The following SLC22A24 variants were observed in gnomAD, a reference collection of about 807,000 sequenced individuals.
SLC22A24 encodes the protein steroid transmembrane transporter SLC22A24.
A neutral mutation model predicts 49.8 loss-of-function variants in SLC22A24; 53 were observed. The ratio of observed to expected loss-of-function variants is 1.06; its 90% CI spans 0.85 to 1.34. The LOEUF (loss-of-function observed/expected upper bound fraction) is 1.34, where lower values mean the gene tolerates loss of function less well. Among genes scored for constraint, SLC22A24 ranks in the 40% most tolerant of loss-of-function variants. The probability of loss-of-function intolerance (pLI) is 0.00; values close to 1 mark genes in which losing one functional copy is unlikely to be tolerated. For missense variants in SLC22A24, 786 were observed against 675.9 expected, an observed-to-expected ratio of 1.16 and a Z score of -1.81; for synonymous variants, 302 against 256.4, an observed-to-expected ratio of 1.18 and a Z score of -1.70.
chr11:63,109,764 T>G (rs1333808733), intron 4 of SLC22A24, among the ~76,000 whole-genome samples: 1 of 152,108 alleles, frequency 6.6e-6, no homozygotes, highest in Non-Finnish European at 1.5e-5. Flanking sequence ...GTCAGATGAG[T>G]AGGTGGCAAA....
chr11:63,143,349 A>G, intron 1 of SLC22A24, 29 bp downstream of exon 1: 3 of 1,436,004 alleles, frequency 2.1e-6, no homozygotes, highest in Non-Finnish European at 2.7e-6. Flanking sequence ...TTAATCATAT[A>G]AACAGAAGAT....
At chr11:63,107,758 G>A (rs1404826991) in intron 4 of SLC22A24, among the ~76,000 whole-genome samples, 2 of 152,102 alleles carry the variant, frequency 1.3e-5, no homozygotes, top group Non-Finnish European at 2.9e-5. Context: ...ATATAGGAAT[G>A]CTTGTGATTT....
At chr11:63,096,584 T>C (rs564640582) in intron 5 of SLC22A24, among the ~76,000 whole-genome samples, 1 of 152,336 alleles carries the variant, frequency 6.6e-6, no homozygotes, top group South Asian at 2.1e-4. Flanking sequence ...GTGTTTGCTA[T>C]TGTGAACAGT....
intron 6 of SLC22A24, 31 bp downstream of exon 6, chr11:63,095,960 T>C (rs184268615): frequency 6.9e-6 from 10 of 1,442,212 alleles, no homozygotes; most frequent in Non-Finnish European, 9.5e-6. Flanking sequence ...CTCCAATATT[T>C]TAAAGTGAAT....
At chr11:63,100,845 T>G (rs896969757) in intron 5 of SLC22A24, among the ~76,000 whole-genome samples, 7 of 152,054 alleles carry the variant, frequency 4.6e-5, no homozygotes, top group Non-Finnish European at 8.8e-5. Context: ...AAACTGGATA[T>G]CCATTTGCAG....
intron 4 of SLC22A24, among the ~76,000 whole-genome samples, chr11:63,110,555 G>T: frequency 8.0e-6 from 1 of 125,326 alleles, no homozygotes; most frequent in East Asian, 2.4e-4. Context: ...CCTTGAAGAG[G>T]TCCTTCACAT....
chr11:63,106,904 C>T (rs1349922710), intron 4 of SLC22A24, among the ~76,000 whole-genome samples: 2 of 152,084 alleles, frequency 1.3e-5, no homozygotes, highest in Admixed American at 6.5e-5. Context: ...ATGGTAGTTT[C>T]TTTTGCTGTG....
At chr11:63,120,465 A>T (rs1034863546) in intron 2 of SLC22A24, among the ~76,000 whole-genome samples, 5 of 150,934 alleles carry the variant, frequency 3.3e-5, no homozygotes, top group South Asian at 2.1e-4. Flanking sequence ...AAAAATAAAT[A>T]AAAAAAAAGA....
At chr11:63,133,036 C>G (rs111444698) in intron 2 of SLC22A24, among the ~76,000 whole-genome samples, 1 of 152,176 alleles carries the variant, frequency 6.6e-6, no homozygotes, top group Non-Finnish European at 1.5e-5. Flanking sequence ...GCCCCTCCCC[C>G]TGTCAAGCTG....
chr11:63,106,989 T>A (rs758468177), intron 4 of SLC22A24, among the ~76,000 whole-genome samples: 17 of 152,258 alleles, frequency 1.1e-4, no homozygotes, highest in East Asian at 1.9e-4. Flanking sequence ...GGTGTTTTAG[T>A]CATGAAGTCC....
chr11:63,106,853 C>T (rs1167834521), intron 4 of SLC22A24, among the ~76,000 whole-genome samples: 1 of 152,110 alleles, frequency 6.6e-6, no homozygotes, highest in Admixed American at 6.5e-5. Flanking sequence ...GAGTAGGTTG[C>T]AAAAATTTTC....
At chr11:63,103,684 G>A (rs12807647) in intron 5 of SLC22A24, among the ~76,000 whole-genome samples, 6 of 152,036 alleles carry the variant, frequency 3.9e-5, no homozygotes, top group African/African-American at 1.4e-4. Flanking sequence ...TGCCAAAAAG[G>A]TCTTTTATCT....
At chr11:63,085,383 G>C (rs1309518957) in intron 6 of SLC22A24, among the ~76,000 whole-genome samples, 1 of 152,044 alleles carries the variant, frequency 6.6e-6, no homozygotes, top group Non-Finnish European at 1.5e-5. Context: ...CTTAATGTGG[G>C]TAATGAGGTG....
At chr11:63,123,310 T>C (rs1418095280) in intron 2 of SLC22A24, among the ~76,000 whole-genome samples, 3 of 152,182 alleles carry the variant, frequency 2.0e-5, no homozygotes, top group African/African-American at 4.8e-5. Context: ...AGAATGCCAA[T>C]GCCAGTCACA....
At chr11:63,136,576 T>G (rs2087376483) in intron 1 of SLC22A24, among the ~76,000 whole-genome samples, 1 of 152,248 alleles carries the variant, frequency 6.6e-6, no homozygotes, top group African/African-American at 2.4e-5. Context: ...TGAGGCTGAT[T>G]TGAGTAATAA....
At chr11:63,081,452 A>G (rs2086959581) in intron 8 of SLC22A24, 106 bp downstream of exon 8, 1 of 794,054 alleles carries the variant, frequency 1.3e-6, no homozygotes, top group East Asian at 2.7e-5. Flanking sequence ...TTTCTATTAC[A>G]GTTAATTCAT....
In SLC22A24 at chr11:63,100,370, A is replaced by G. The variant is rs115603474; in HGVS notation, c.954+3805T>C. ...ATAAATTTTTAATCAAAGAAGTGAA[A>G]GAGCTCTACAATGAAAACTATAAAG... On this transcript the variant is annotated intron_variant, in intron 5 of 9. Transcript: ENST00000612278. Among the ~76,000 whole-genome samples, 422 of 152,278 alleles carry G rather than the reference A, an allele frequency of 2.8e-3. 2 individuals carry two copies. Among genetic ancestry groups the G allele is most frequent in the African/African-American group, 9.8e-3 (407 of 41,578 alleles).
chr11:63,080,962 C>A lies in SLC22A24; in HGVS notation c.1556G>T (p.Arg519Met). Residue 519 changes from arginine to methionine, a missense_variant, in exon 9 of 10, where the codon AGG becomes ATG. Physicochemically the swap from Arg to Met is moderately conservative, Grantham distance 91. Coordinates refer to ENST00000612278, the MANE Select transcript of SLC22A24 (RefSeq NM_001136506.2). ...VPVILLLPET[R>M]DLPLPNTIQD... ...GATGGTGTTAGGAAGAGGTAGATCCCTGGTTTCTGGAAGGAGGAGGATAAC... is the reference window on the plus strand; with the variant it reads ...GATGGTGTTAGGAAGAGGTAGATCCATGGTTTCTGGAAGGAGGAGGATAAC... The A allele has an allele frequency of 6.4e-7, 1 of 1,552,500 alleles. No homozygotes were observed. Among genetic ancestry groups the A allele is most frequent in the Non-Finnish European group, 8.7e-7 (1 of 1,147,546 alleles).
At chr11:63,105,597 G>T (rs1414291011) in intron 4 of SLC22A24, among the ~76,000 whole-genome samples, 1 of 152,142 alleles carries the variant, frequency 6.6e-6, no homozygotes, top group Non-Finnish European at 1.5e-5. Context: ...GCCCGTTTTG[G>T]CCATGGCTAC....
Sources: allele counts gnomAD v4.1 joint callset (sites outside exome capture counted in the v4.1 genomes callset), GRCh38; gene constraint gnomAD v4.1.1; transcripts MANE v1.5; gene names NCBI Gene and HGNC (gene_info 2026-07-23, HGNC 2026-07-21).